The following GRID2 variants were observed in gnomAD, a reference collection of about 807,000 sequenced individuals.
GRID2 encodes glutamate receptor ionotropic, delta-2.
A neutral mutation model predicts 114.8 loss-of-function variants in GRID2; 33 were observed. The observed-to-expected ratio is 0.29, with a 90% CI of 0.22 to 0.38. The LOEUF is 0.38. Among genes scored for constraint, GRID2 ranks in the 10% least tolerant of loss-of-function variants. The pLI is 1.00. For missense variants in GRID2, 1,184 were observed against 1,257.7 expected, an observed-to-expected ratio of 0.94 and a Z score of 0.89; for synonymous variants, 505 against 449.9, an observed-to-expected ratio of 1.12 and a Z score of -1.55.
At chr4:93,547,505 T>G (rs1422515772) in intron 13 of GRID2, among the ~76,000 whole-genome samples, 2 of 152,234 alleles carry the variant, frequency 1.3e-5, no homozygotes, top group East Asian at 3.8e-4. Context: ...ATGTATGCTC[T>G]TAGTGAGATG....
At chr4:92,305,699 G>A (rs1725361853) in intron 1 of GRID2, among the ~76,000 whole-genome samples, 1 of 152,164 alleles carries the variant, frequency 6.6e-6, no homozygotes, top group South Asian at 2.1e-4. Flanking sequence ...GCGAGCAGGG[G>A]CGGGCGGGGG....
intron 8 of GRID2, among the ~76,000 whole-genome samples, chr4:93,305,112 A>G (rs1755279033): frequency 6.6e-6 from 1 of 152,154 alleles, no homozygotes; most frequent in African/African-American, 2.4e-5. Flanking sequence ...ACAGTAATAG[A>G]GTTCTGTGAC....
At chr4:92,761,343 A>C (rs1738002059) in intron 2 of GRID2, among the ~76,000 whole-genome samples, 1 of 152,178 alleles carries the variant, frequency 6.6e-6, no homozygotes, top group African/African-American at 2.4e-5. Flanking sequence ...GAAAGTAATG[A>C]CCAGCTATTT....
intron 2 of GRID2, among the ~76,000 whole-genome samples, chr4:92,918,490 G>C (rs1169149480): frequency 6.6e-6 from 1 of 152,134 alleles, no homozygotes; most frequent in Non-Finnish European, 1.5e-5. Context: ...CTGTGGGTTT[G>C]TCATAGATAG....
intron 1 of GRID2, among the ~76,000 whole-genome samples, chr4:92,478,280 A>T (rs1229016542): frequency 2.0e-5 from 3 of 152,100 alleles, no homozygotes; most frequent in African/African-American, 7.2e-5. Flanking sequence ...AAATCTTCTT[A>T]GTCTGATTGT....
At chr4:92,922,600 A>G (rs1749456426) in intron 2 of GRID2, among the ~76,000 whole-genome samples, 1 of 152,212 alleles carries the variant, frequency 6.6e-6, no homozygotes, top group African/African-American at 2.4e-5. Flanking sequence ...AAACATAAGA[A>G]TATTTCTAAG....
In GRID2 at chr4:92,864,999, A is replaced by AT. The variant is rs538022519; in HGVS notation, c.245-219992dup. Among the ~76,000 whole-genome samples, 16 of 152,232 alleles carry AT rather than the reference A, an allele frequency of 1.1e-4. No individual in the cohort carries two copies. The East Asian group carries it at 3.1e-3, about 29-fold the overall frequency. On this transcript the variant is annotated intron_variant, in intron 2 of 15. Transcript: ENST00000282020. ...TTATTAATGACTTCATTATCCAGTGATTTTCAAACATTCTACTAAACCTAC... is the reference window on the plus strand; with the variant it reads ...TTATTAATGACTTCATTATCCAGTGATTTTTCAAACATTCTACTAAACCTAC...
intron 8 of GRID2, among the ~76,000 whole-genome samples, chr4:93,279,419 C>T (rs764857886): frequency 4.6e-5 from 7 of 151,666 alleles, no homozygotes; most frequent in Non-Finnish European, 1.0e-4. Context: ...GAAGCTTATC[C>T]ATCAAAACAA....
chr4:92,632,702 G>A (rs905725319), intron 2 of GRID2, among the ~76,000 whole-genome samples: 2 of 151,754 alleles, frequency 1.3e-5, no homozygotes, highest in Non-Finnish European at 2.9e-5. Flanking sequence ...GTGAAGAAAG[G>A]GAAGGAAGGG....
chr4:92,335,178 C>T (rs1388098575), intron 1 of GRID2, among the ~76,000 whole-genome samples: 4 of 152,270 alleles, frequency 2.6e-5, no homozygotes, highest in East Asian at 1.9e-4. Context: ...GTTTTAACTT[C>T]AGAGTTAGCA....
intron 14 of GRID2, among the ~76,000 whole-genome samples, chr4:93,683,749 A>G (rs1266217591): frequency 6.6e-6 from 1 of 151,942 alleles, no homozygotes; most frequent in Non-Finnish European, 1.5e-5. Context: ...AGGGAAAATC[A>G]TTTATTTTAT....
At chr4:93,271,514 G>A (rs927400230) in intron 8 of GRID2, among the ~76,000 whole-genome samples, 1 of 152,164 alleles carries the variant, frequency 6.6e-6, no homozygotes, top group Non-Finnish European at 1.5e-5. Flanking sequence ...TTTCCCAGCT[G>A]TAGATTTCCC....
chr4:92,882,585 T>C (rs931921362), intron 2 of GRID2, among the ~76,000 whole-genome samples: 19 of 152,166 alleles, frequency 1.2e-4, no homozygotes, highest in African/African-American at 4.6e-4. Flanking sequence ...TGAGACATTT[T>C]ATTTACTGTG....
chr4:93,721,841 G>A (rs1378893691), intron 14 of GRID2, among the ~76,000 whole-genome samples: 2 of 151,728 alleles, frequency 1.3e-5, no homozygotes, highest in South Asian at 4.1e-4. Flanking sequence ...TAAGTGAGAA[G>A]AGTAAATTCT....
intron 8 of GRID2, among the ~76,000 whole-genome samples, chr4:93,354,830 AT>A (rs1277935050): frequency 2.1e-5 from 3 of 146,158 alleles, no homozygotes; most frequent in East Asian, 2.0e-4. Flanking sequence ...ATATATATAT[AT>A]AATATATATA....
At position 93,560,203 on chromosome 4, in the gene GRID2, T is replaced by C. The variant is rs116100244; in HGVS notation, c.2193+44792T>C. ...GTAACAAACCTGCATGTTCTACGCATGTATTCCAGAACTTAAAGTAAAAAA... is the reference window on the plus strand; with the variant it reads ...GTAACAAACCTGCATGTTCTACGCACGTATTCCAGAACTTAAAGTAAAAAA... On this transcript the variant is annotated intron_variant, in intron 13 of 15. Transcript: ENST00000282020. Among the ~76,000 whole-genome samples, 726 of 116,572 alleles carry C rather than the reference T, an allele frequency of 6.2e-3. 7 individuals are homozygous for C. The highest frequency in any genetic ancestry group is 0.024 in the African/African-American group (694 of 29,254). 76.5% of individuals were successfully genotyped at this position (116,572 alleles called of 152,430 possible).
intron 3 of GRID2, among the ~76,000 whole-genome samples, chr4:93,087,478 A>G (rs962397091): frequency 6.6e-6 from 1 of 152,290 alleles, no homozygotes; most frequent in African/African-American, 2.4e-5. Flanking sequence ...AGACATTTTT[A>G]TTACGGGTGA....
intron 13 of GRID2, among the ~76,000 whole-genome samples, chr4:93,583,730 A>T (rs1242168483): frequency 6.6e-6 from 1 of 152,132 alleles, no homozygotes; most frequent in Non-Finnish European, 1.5e-5. Flanking sequence ...CTTAGGGTCC[A>T]TTCTGTCCAA....
At chr4:92,866,148 A>G (rs1744845718) in intron 2 of GRID2, among the ~76,000 whole-genome samples, 1 of 152,202 alleles carries the variant, frequency 6.6e-6, no homozygotes, top group Non-Finnish European at 1.5e-5. Context: ...TATTTGGGAT[A>G]GTGAGAGGAA....
Sources: allele counts gnomAD v4.1 joint callset (sites outside exome capture counted in the v4.1 genomes callset), GRCh38; gene constraint gnomAD v4.1.1; transcripts MANE v1.5; gene names NCBI Gene and HGNC (gene_info 2026-07-23, HGNC 2026-07-21).